RASA2: variants seen among roughly 807,000 people sequenced by gnomAD.
RASA2 encodes the protein ras GTPase-activating protein 2.
In RASA2, 155 loss-of-function variants were observed where a neutral mutation model predicts 118.2. That is an observed-to-expected ratio of 1.31 (90% CI 1.15 to 1.50). The LOEUF (loss-of-function observed/expected upper bound fraction) is 1.50, where lower values mean the gene tolerates loss of function less well. Ranked by LOEUF, RASA2 falls within the 40% of genes most tolerant of loss-of-function variation. RASA2 has a pLI of 0.00. For missense variants in RASA2, 1,016 were observed against 1,009.6 expected (o/e 1.01, Z -0.09); for synonymous variants, 353 against 349.1 (o/e 1.01, Z -0.12).
At chr3:141,495,375 T>C (rs1352314077) in intron 1 of RASA2, among the ~76,000 whole-genome samples, 2 of 152,200 alleles carry the variant, frequency 1.3e-5, no homozygotes, top group African/African-American at 4.8e-5. Flanking sequence ...CTATTTATTA[T>C]GTCCAGATTA....
At chr3:141,513,344 T>G (rs13099945) in intron 2 of RASA2, among the ~76,000 whole-genome samples, 38,441 of 151,966 alleles carry the variant, frequency 0.25, 5,467 homozygotes, top group Non-Finnish European at 0.32. Flanking sequence ...GAAAATACTT[T>G]AGTAGCCCAA....
intron 3 of RASA2, among the ~76,000 whole-genome samples, chr3:141,522,792 G>T (rs74508946): frequency 3.6e-4 from 55 of 152,224 alleles, no homozygotes; most frequent in African/African-American, 1.3e-3. Flanking sequence ...GGAAACTCTG[G>T]ACTTCCTGGC....
At chr3:141,587,014 A>G (rs1212472696) in intron 19 of RASA2, 8 of 461,800 alleles carry the variant, frequency 1.7e-5, no homozygotes, top group African/African-American at 1.4e-4. Context: ...ATAGTAATCC[A>G]TACTGTTATT....
intron 3 of RASA2, among the ~76,000 whole-genome samples, chr3:141,529,389 A>G (rs951567279): frequency 1.3e-5 from 2 of 152,088 alleles, no homozygotes; most frequent in Non-Finnish European, 2.9e-5. Flanking sequence ...CTTGCTTTTT[A>G]TAATGAGTGT....
At chr3:141,601,509 G>T (rs77603484) in intron 19 of RASA2, among the ~76,000 whole-genome samples, 37,443 of 151,782 alleles carry the variant, frequency 0.25, 5,263 homozygotes, top group Non-Finnish European at 0.32. Context: ...AAATATCTTC[G>T]AAACCATGAT....
chr3:141,560,312 G>A (rs2082712993), intron 9 of RASA2, among the ~76,000 whole-genome samples: 1 of 152,148 alleles, frequency 6.6e-6, no homozygotes, highest in Non-Finnish European at 1.5e-5. Flanking sequence ...AAAACGCTTG[G>A]TCACAAATCA....
chr3:141,499,944 A>G (rs533082779), intron 1 of RASA2, among the ~76,000 whole-genome samples: 13 of 152,196 alleles, frequency 8.5e-5, no homozygotes, highest in South Asian at 6.2e-4. Flanking sequence ...CTCTTGGATT[A>G]TTTTACAGAT....
At chr3:141,524,148 G>A (rs1342046965) in intron 3 of RASA2, among the ~76,000 whole-genome samples, 2 of 152,212 alleles carry the variant, frequency 1.3e-5, no homozygotes, top group East Asian at 1.9e-4. Context: ...TGAGTGGCTC[G>A]GCTGGTCTCG....
chr3:141,524,366 A>T (rs959833140), intron 3 of RASA2, among the ~76,000 whole-genome samples: 11 of 152,178 alleles, frequency 7.2e-5, no homozygotes, highest in Non-Finnish European at 1.5e-4. Context: ...AGTCAGTGCT[A>T]TAGGAGACCA....
intron 15 of RASA2, among the ~76,000 whole-genome samples, chr3:141,580,006 C>T (rs111707917): frequency 3.7e-5 from 5 of 134,318 alleles, no homozygotes; most frequent in African/African-American, 5.7e-5. Flanking sequence ...CAGTGAGCTG[C>T]GGTTATGCCA....
At chr3:141,580,085 A>AAAAAAAAT (rs1553797703) in intron 15 of RASA2, among the ~76,000 whole-genome samples, 6 of 59,618 alleles carry the variant, frequency 1.0e-4, no homozygotes, top group African/African-American at 2.0e-4. Context: ...AAAAAAAAAA[A>AAAAAAAAT]ATATATATAT....
chr3:141,511,324 G>T (rs2081947338), intron 1 of RASA2, among the ~76,000 whole-genome samples: 3 of 152,188 alleles, frequency 2.0e-5, no homozygotes, highest in South Asian at 4.1e-4. Flanking sequence ...TGGTGTTGCA[G>T]ATCTGGGAGG....
chr3:141,511,058 AAGG>A (rs1577659000), intron 1 of RASA2, among the ~76,000 whole-genome samples: 2 of 152,194 alleles, frequency 1.3e-5, no homozygotes, highest in Non-Finnish European at 2.9e-5. Flanking sequence ...GATTCTGGTC[AAGG>A]CAAAGAGAAC....
At chr3:141,531,617 G>A (rs944840034) in intron 4 of RASA2, among the ~76,000 whole-genome samples, 6 of 151,792 alleles carry the variant, frequency 4.0e-5, no homozygotes, top group East Asian at 3.9e-4. Context: ...AATTGGGGAA[G>A]CAACAGTTAC....
At chr3:141,601,349 T>C (rs1221444549) in intron 19 of RASA2, among the ~76,000 whole-genome samples, 1 of 151,948 alleles carries the variant, frequency 6.6e-6, no homozygotes, top group African/African-American at 2.4e-5. Flanking sequence ...ATCACTTGAA[T>C]GCTTGAACTC....
At chr3:141,542,078 T>TC (rs111315895) in intron 5 of RASA2, among the ~76,000 whole-genome samples, 2,800 of 151,360 alleles carry the variant, frequency 0.018, 105 homozygotes, top group African/African-American at 0.064. Context: ...TTAAGTTTTT[T>TC]CCCCCATCCT....
At chr3:141,558,843 T>C in intron 7 of RASA2, 43 bp from the exon 8 acceptor site, 1 of 1,406,458 alleles carries the variant, frequency 7.1e-7, no homozygotes, top group Non-Finnish European at 9.9e-7. Context: ...AGGAAAAATG[T>C]ATTTTTTTAA....
At chr3:141,540,422 C>T in intron 4 of RASA2, 111 bp from the exon 5 acceptor site, 1 of 744,894 alleles carries the variant, frequency 1.3e-6, no homozygotes, top group Non-Finnish European at 2.2e-6. Context: ...TAGGCAAAGC[C>T]ATGTGCTAGT....
chr3:141,596,851 G>A (rs2083381137), intron 19 of RASA2, among the ~76,000 whole-genome samples: 1 of 152,300 alleles, frequency 6.6e-6, no homozygotes, highest in Admixed American at 6.5e-5. Context: ...CAGTGGGAAT[G>A]TAAAATAGGG....
Sources: gnomAD v4.1 joint callset for allele counts (sites outside exome capture counted in the v4.1 genomes callset) on GRCh38, gnomAD v4.1.1 for gene constraint, MANE v1.5 for transcripts, NCBI Gene and HGNC (gene_info 2026-07-23, HGNC 2026-07-21) for gene names.